The following EYS variants were observed in gnomAD, a reference collection of about 807,000 sequenced individuals.
The protein encoded by EYS is EGF-like photoreceptor maintenance factor.
Under a neutral mutation model 282.1 loss-of-function variants are expected in EYS, and 250 were observed. The ratio of observed to expected loss-of-function variants is 0.89; its 90% CI spans 0.80 to 0.98. The LOEUF (loss-of-function observed/expected upper bound fraction) is 0.98, where lower values mean the gene tolerates loss of function less well. Among genes scored for constraint, EYS ranks in the 50% least tolerant of loss-of-function variants. The pLI is 0.00. For synonymous variants in EYS, 1,355 were observed against 1,282.9 expected, an observed-to-expected ratio of 1.06 and a Z score of -1.20; for missense variants, 4,016 against 3,709.0, an observed-to-expected ratio of 1.08 and a Z score of -2.15.
chr6:65,199,956 G>A (rs1362800250), intron 12 of EYS, among the ~76,000 whole-genome samples: 1 of 151,954 alleles, frequency 6.6e-6, no homozygotes, highest in Non-Finnish European at 1.5e-5. Context: ...TCATGGATGA[G>A]TATAAACAGA....
intron 1 of EYS, among the ~76,000 whole-genome samples, chr6:65,687,916 C>G (rs1769090187): frequency 6.6e-6 from 1 of 152,066 alleles, no homozygotes; most frequent in African/African-American, 2.4e-5. Context: ...CAAACCACTG[C>G]TAGATGAAAT....
intron 19 of EYS, among the ~76,000 whole-genome samples, chr6:64,839,320 A>T (rs942950955): frequency 2.0e-5 from 3 of 152,022 alleles, no homozygotes; most frequent in African/African-American, 4.8e-5. Context: ...CCAGTTACAT[A>T]ATAATTTTAT....
intron 31 of EYS, among the ~76,000 whole-genome samples, chr6:64,119,122 T>G (rs1286535829): frequency 6.6e-6 from 1 of 152,264 alleles, no homozygotes; most frequent in African/African-American, 2.4e-5. Flanking sequence ...CACTTTTATG[T>G]TACTGAACTG....
At chr6:64,999,774 C>T (rs755275960) in intron 13 of EYS, among the ~76,000 whole-genome samples, 9 of 152,122 alleles carry the variant, frequency 5.9e-5, no homozygotes, top group African/African-American at 1.9e-4. Flanking sequence ...TGACAAGCGC[C>T]GGCACGCTGG....
chr6:65,243,559 G>A (rs1029322095), intron 12 of EYS, among the ~76,000 whole-genome samples: 6 of 152,076 alleles, frequency 3.9e-5, no homozygotes, highest in African/African-American at 1.4e-4. Context: ...TCTAATAGGT[G>A]TTTCTCCCTT....
At chr6:63,928,774 A>G (rs1233145527) in intron 35 of EYS, among the ~76,000 whole-genome samples, 2 of 152,164 alleles carry the variant, frequency 1.3e-5, no homozygotes, top group Admixed American at 6.5e-5. Context: ...TAGTACACTC[A>G]GCTTAATGAT....
chr6:64,974,409 G>A (rs1381378002), intron 14 of EYS, among the ~76,000 whole-genome samples: 1 of 151,672 alleles, frequency 6.6e-6, no homozygotes, highest in Non-Finnish European at 1.5e-5. Flanking sequence ...TGTTAAAAAT[G>A]ATGGATTCTT....
chr6:64,103,299 G>T (rs188919018), intron 31 of EYS, among the ~76,000 whole-genome samples: 135 of 152,262 alleles, frequency 8.9e-4, no homozygotes, highest in Middle Eastern at 3.4e-3. Context: ...GACATTATGA[G>T]ATAAGGAAAC....
At chr6:64,064,370 A>G (rs563093434) in intron 33 of EYS, among the ~76,000 whole-genome samples, 1 of 152,328 alleles carries the variant, frequency 6.6e-6, no homozygotes, top group East Asian at 1.9e-4. Context: ...AGATGCAAAT[A>G]TTAAGACATC....
At chr6:65,218,771 G>A (rs1766382656) in intron 12 of EYS, among the ~76,000 whole-genome samples, 1 of 152,004 alleles carries the variant, frequency 6.6e-6, no homozygotes, top group African/African-American at 2.4e-5. Context: ...TATAAACAAT[G>A]AATTCTAAAT....
chr6:64,322,484 C>G (rs553300777), intron 29 of EYS, among the ~76,000 whole-genome samples: 1 of 151,936 alleles, frequency 6.6e-6, no homozygotes, highest in Admixed American at 6.6e-5. Context: ...CTATAGGGAA[C>G]TACCACGGAA....
At chr6:65,699,065 AT>A (rs1769560630) in intron 1 of EYS, among the ~76,000 whole-genome samples, 1 of 152,164 alleles carries the variant, frequency 6.6e-6, no homozygotes, top group Non-Finnish European at 1.5e-5. Flanking sequence ...CTATATAAAT[AT>A]TTCTCCCAAT....
intron 31 of EYS, among the ~76,000 whole-genome samples, chr6:64,129,999 T>G (rs1773916189): frequency 6.6e-6 from 1 of 152,196 alleles, no homozygotes; most frequent in Admixed American, 6.5e-5. Context: ...ATCTCTGTTT[T>G]GGTACCAGTA....
intron 40 of EYS, among the ~76,000 whole-genome samples, chr6:63,763,981 GCCTTTCTC>G (rs769717460): frequency 2.0e-5 from 3 of 149,188 alleles, no homozygotes; most frequent in African/African-American, 7.4e-5. Flanking sequence ...CTCCCTGCCT[GCCTTTCTC>G]CCTTTCTCCC....
chr6:63,977,217 C>T (rs943505646), intron 35 of EYS, among the ~76,000 whole-genome samples: 1 of 151,784 alleles, frequency 6.6e-6, no homozygotes, highest in African/African-American at 2.4e-5. Context: ...TATTTTGATA[C>T]AGGCATACAA....
intron 35 of EYS, among the ~76,000 whole-genome samples, chr6:63,910,482 C>T (rs1773886693): frequency 1.3e-5 from 2 of 152,160 alleles, no homozygotes; most frequent in African/African-American, 4.8e-5. Context: ...GAATTGTGTA[C>T]TTTAACTCTT....
intron 2 of EYS, among the ~76,000 whole-genome samples, chr6:65,572,214 TA>T (rs1764502821): frequency 2.0e-5 from 3 of 152,118 alleles, no homozygotes; most frequent in Admixed American, 2.0e-4. Flanking sequence ...CATGCTGGAA[TA>T]ACTGTATATC....
chr6:64,336,207 C>G (rs145787064), intron 29 of EYS, among the ~76,000 whole-genome samples: 1 of 152,184 alleles, frequency 6.6e-6, no homozygotes, highest in East Asian at 1.9e-4. Flanking sequence ...AGGGATAGAA[C>G]TCACCAAACA....
At chr6:63,819,682 C>T (rs1771270794) in intron 36 of EYS, among the ~76,000 whole-genome samples, 1 of 152,184 alleles carries the variant, frequency 6.6e-6, no homozygotes, top group African/African-American at 2.4e-5. Flanking sequence ...GTATCTCTCC[C>T]TGCCTTATTT....
Sources: gnomAD v4.1 joint callset for allele counts (sites outside exome capture counted in the v4.1 genomes callset) on GRCh38, gnomAD v4.1.1 for gene constraint, MANE v1.5 for transcripts, NCBI Gene and HGNC (gene_info 2026-07-23, HGNC 2026-07-21) for gene names.